Variants in ASB2 observed in about 807,000 individuals in gnomAD.
The protein encoded by ASB2 is ankyrin repeat and SOCS box containing 2.
In ASB2, 58 loss-of-function variants were observed where a neutral mutation model predicts 62.4. The ratio of observed to expected loss-of-function variants is 0.93; its 90% confidence interval spans 0.75 to 1.16. ASB2 has a LOEUF of 1.16. Ranked by LOEUF, ASB2 falls within the 50% of genes most tolerant of loss-of-function variation. The pLI, the probability that ASB2 is intolerant of heterozygous loss-of-function variation, is 0.00. For missense variants in ASB2, 928 were observed against 887.9 expected (o/e 1.05, Z -0.57); for synonymous variants, 386 against 385.3 (o/e 1.00, Z -0.02).
chr14:93,944,466 C>T (rs567565846), intron 7 of ASB2, among the ~76,000 whole-genome samples: 1 of 152,384 alleles, frequency 6.6e-6, no homozygotes, highest in African/African-American at 2.4e-5. Flanking sequence ...GTGCTGCCTT[C>T]CATGCCTGGG....
rs202020276 is a variant in ASB2, at chr14:93,951,171, G to T, written c.708C>A (p.Asn236Lys). 326 of 1,613,838 alleles carry T rather than the reference G, an allele frequency of 2.0e-4. No homozygotes were observed. Among genetic ancestry groups the T allele is most frequent in the Non-Finnish European group, 2.4e-4 (287 of 1,179,968 alleles). The change falls in exon 6 of 10, where the codon AAC (asparagine) becomes AAA (lysine). Residue 236 changes from asparagine (N) to lysine (K), a missense_variant. By Grantham distance (94) the Asn-to-Lys change is moderately conservative. Coordinates refer to ENST00000555019, the MANE Select transcript of ASB2 (RefSeq NM_001202429.2). ...ACTCGTGCAGAGCGGTCCAGCCGCGGTTGCAGCGGTGGTTGGTGTCTGCAT... is the reference window on the plus strand; with the variant it reads ...ACTCGTGCAGAGCGGTCCAGCCGCGTTTGCAGCGGTGGTTGGTGTCTGCAT... Reference protein sequence around the residue: ...QHNADTNHRCNRGWTALHESV... With the variant: ...QHNADTNHRCKRGWTALHESV...
At chr14:93,957,396 G>A in intron 2 of ASB2, 4 of 1,015,700 alleles carry the variant, frequency 3.9e-6, no homozygotes, top group Non-Finnish European at 4.7e-6. Flanking sequence ...TTGTCCCAGG[G>A]GTAGGAGCAG....
rs74853444 is a variant in ASB2, at chr14:93,937,142, G to C, written c.1771+556C>G. 4.4e-3 allele frequency among the ~76,000 whole-genome samples: 664 copies of C among 152,284 alleles called. 20 individuals are homozygous for C. In the East Asian group the frequency reaches 0.1, roughly 23 times the overall value. ...ACCCAGCAAGGCCCTGGCAAGGCTG[G>C]CTCCAGGGTTCAGGGGCCTGTCTCC... On this transcript the variant is annotated intron_variant, in intron 9 of 9. Coordinates refer to ENST00000555019, the MANE Select transcript of ASB2 (RefSeq NM_001202429.2).
At chr14:93,943,094 G>A (rs74968585) in intron 7 of ASB2, among the ~76,000 whole-genome samples, 2,297 of 152,250 alleles carry the variant, frequency 0.015, 46 homozygotes, top group African/African-American at 0.049. Flanking sequence ...ATAACAATCC[G>A]GCAAGGTAGG....
chr14:93,969,195 C>A (rs1357827246), intron 1 of ASB2, among the ~76,000 whole-genome samples: 1 of 152,204 alleles, frequency 6.6e-6, no homozygotes, highest in Non-Finnish European at 1.5e-5. Flanking sequence ...GCACGGGCCG[C>A]TTCAGGACAG....
At chr14:93,935,083 A>T (rs1888225012) in intron 9 of ASB2, among the ~76,000 whole-genome samples, 2 of 152,114 alleles carry the variant, frequency 1.3e-5, no homozygotes. Flanking sequence ...CTTGCCCAGG[A>T]TCCCTCCTGG....
chr14:93,964,629 A>C lies in ASB2; in HGVS notation c.-73-17T>G, dbSNP rs569595210. The C allele has an allele frequency of 1.6e-5, 20 of 1,213,026 alleles. No individual in the cohort carries two copies. Among genetic ancestry groups the C allele is most frequent in the Admixed American group, 1.2e-4 (6 of 50,304 alleles). The allele number at this position is 1,213,026 out of a possible 1,614,324, so 75.1% of individuals were successfully genotyped here. A position where few individuals can be genotyped will look rare whatever the true frequency, so the allele number is the denominator to read the frequency against. On this transcript the variant is annotated splice_polypyrimidine_tract_variant and intron_variant, in intron 1 of 9. Transcript: ENST00000555019. ...CAGAAAACCCTGTGAGGAAACCAAAACCATCCTGGTCACGAACAGTTTTGC... is the reference window on the plus strand; with the variant it reads ...CAGAAAACCCTGTGAGGAAACCAAACCCATCCTGGTCACGAACAGTTTTGC...
chr14:93,941,427 A>C, intron 7 of ASB2: 1 of 311,582 alleles, frequency 3.2e-6, no homozygotes, highest in South Asian at 2.5e-5. Context: ...GATGCCAGCG[A>C]CCTCCTGCTG....
intron 5 of ASB2, among the ~76,000 whole-genome samples, chr14:93,953,151 C>G (rs1212024383): frequency 6.6e-6 from 1 of 152,226 alleles, no homozygotes; most frequent in African/African-American, 2.4e-5. Context: ...CCCTCAGTGT[C>G]CCTCAGCATC....
In ASB2 at chr14:93,937,240, C is replaced by T. The variant is rs553833726; in HGVS notation, c.1771+458G>A. Among the ~76,000 whole-genome samples the T allele has an allele frequency of 3.9e-5, 6 of 152,292 alleles. No homozygotes were observed. In the East Asian group the frequency reaches 1.2e-3, roughly 29 times the overall value. On this transcript the variant is annotated intron_variant, in intron 9 of 9. Transcript: ENST00000555019. ...CCTGTTGAAATGCAGACTCCCCGGC[C>T]CCGCCCCAGACCTGCGGAATCAGAA... is the stretch of plus-strand genomic sequence containing the variant.
At chr14:93,944,387 G>A (rs565465320) in intron 7 of ASB2, among the ~76,000 whole-genome samples, 4 of 152,238 alleles carry the variant, frequency 2.6e-5, no homozygotes, top group African/African-American at 4.8e-5. Context: ...CAGCACACCC[G>A]CATGTCACCC....
intron 2 of ASB2, among the ~76,000 whole-genome samples, chr14:93,958,381 A>T (rs941293123): frequency 3.3e-5 from 5 of 152,130 alleles, no homozygotes; most frequent in Admixed American, 2.0e-4. Flanking sequence ...AGAGGTTCAG[A>T]CTACCACTGT....
At chr14:93,943,837 A>C (rs891467176) in intron 7 of ASB2, 4 of 419,374 alleles carry the variant, frequency 9.5e-6, no homozygotes, top group Non-Finnish European at 1.9e-5. Flanking sequence ...GTGCTTTATA[A>C]GCTGCTTTTT....
At chr14:93,939,775 C>T (rs1388461607) in intron 7 of ASB2, 103 bp from the exon 8 acceptor site, 3 of 951,436 alleles carry the variant, frequency 3.2e-6, no homozygotes, top group African/African-American at 1.7e-5. Context: ...CTCGGCTGGT[C>T]GCCCTGACCG....
chr14:93,955,275 C>T (rs1438571530), intron 3 of ASB2: 18 of 409,936 alleles, frequency 4.4e-5, no homozygotes, highest in African/African-American at 1.4e-4. Flanking sequence ...GGGCTCTGGG[C>T]GGTCTCTGCC....
rs561931348 is a variant in ASB2 at position 93,958,147 on chromosome 14, C to T, written c.207-1277G>A. 2.0e-5 allele frequency among the ~76,000 whole-genome samples: 3 copies of T among 152,334 alleles called. No homozygotes were observed. The South Asian group carries it at 6.2e-4, about 32-fold the overall frequency. The stretch of plus-strand genomic sequence containing the variant: ...GCTGCCTGCAGGCCTGGCTGCCTTC[C>T]TCATCCTCGCCGCTGTCACGCCCTC... On this transcript the variant is annotated intron_variant, in intron 2 of 9. Transcript: ENST00000555019.
intron 2 of ASB2, among the ~76,000 whole-genome samples, chr14:93,961,727 C>T (rs1251801133): frequency 5.3e-5 from 8 of 152,156 alleles, no homozygotes; most frequent in Admixed American, 3.3e-4. Context: ...AGGACTGTCT[C>T]GGGTCCTGCA....
chr14:93,952,058 G>T (rs756353110), intron 5 of ASB2, among the ~76,000 whole-genome samples: 60 of 152,352 alleles, frequency 3.9e-4, no homozygotes, highest in Non-Finnish European at 7.1e-4. Flanking sequence ...GGGAGGAGGA[G>T]TGAGGAATGG....
At chr14:93,956,356 A>G (rs1174415136) in intron 3 of ASB2, among the ~76,000 whole-genome samples, 1 of 152,188 alleles carries the variant, frequency 6.6e-6, no homozygotes. Flanking sequence ...GGAAAGTGAG[A>G]CTGGGACAAA....
Sources: gnomAD v4.1 joint callset for allele counts (sites outside exome capture counted in the v4.1 genomes callset) on GRCh38, gnomAD v4.1.1 for gene constraint, MANE v1.5 for transcripts, NCBI Gene and HGNC (gene_info 2026-07-23, HGNC 2026-07-21) for gene names.